The following CCT7 variants were observed in gnomAD, a reference collection of about 807,000 sequenced individuals.
The protein encoded by CCT7 is T-complex protein 1 subunit eta.
In CCT7, 16 loss-of-function variants were observed where a neutral mutation model predicts 56.6. The observed-to-expected ratio is 0.28, with a 90% confidence interval of 0.19 to 0.43. The LOEUF is 0.43. Ranked by LOEUF, CCT7 falls within the 20% of genes least tolerant of loss-of-function variation. CCT7 has a pLI of 1.00. For synonymous variants in CCT7, 262 were observed against 254.8 expected, an observed-to-expected ratio of 1.03 and a Z score of -0.27; for missense variants, 519 against 685.6, an observed-to-expected ratio of 0.76 and a Z score of 2.71.
chr2:73,250,363 C>T lies in CCT7; in HGVS notation c.1128C>T (p.Gly376=), dbSNP rs370527926. 2.5e-5 allele frequency: 40 copies of T among 1,614,020 alleles called. No homozygotes were observed. The highest frequency in any genetic ancestry group is 2.0e-4 in the South Asian group (18 of 91,080). ...AGACATGCACCTTCATTCTCCGTGG[C>T]GGCGCCGAGCAGTTTATGGAGGAGA... The part of the protein sequence containing the change: ...KAKTCTFILR[G]GAEQFMEETE... Residue 376 remains glycine, a synonymous_variant, in exon 10 of 12, where the codon GGC becomes GGT. Coordinates refer to ENST00000258091, the MANE Select transcript of CCT7 (RefSeq NM_006429.4).
intron 4 of CCT7, 88 bp downstream of exon 4, chr2:73,243,217 G>A (rs897864560): frequency 2.0e-6 from 3 of 1,475,644 alleles, no homozygotes; most frequent in African/African-American, 1.4e-5. Flanking sequence ...GAGTGTGGAG[G>A]GACTGGGGAA....
chr2:73,234,495 C>G, intron 1 of CCT7, 111 bp downstream of exon 1: 1 of 1,286,328 alleles, frequency 7.8e-7, no homozygotes, highest in Non-Finnish European at 1.1e-6. Context: ...CGCCTCTGTC[C>G]TCGCCCAGAT....
At chr2:73,250,216 C>T (rs2103806964) in intron 9 of CCT7, 90 bp from the exon 10 acceptor site, 1 of 1,486,542 alleles carries the variant, frequency 6.7e-7, no homozygotes, top group Non-Finnish European at 9.3e-7. Context: ...AGAGCAGCTG[C>T]TGAGTGTTGG....
At chr2:73,235,318 T>G (rs1386643717) in intron 1 of CCT7, among the ~76,000 whole-genome samples, 1 of 152,176 alleles carries the variant, frequency 6.6e-6, no homozygotes, top group Non-Finnish European at 1.5e-5. Flanking sequence ...CGAGGTGGTG[T>G]TTGACCCTGA....
intron 1 of CCT7, 36 bp downstream of exon 1, chr2:73,234,420 G>T: frequency 3.1e-6 from 5 of 1,612,012 alleles, no homozygotes; most frequent in Non-Finnish European, 3.4e-6. Flanking sequence ...GCCATCAGCT[G>T]CCATCTGGCC....
intron 1 of CCT7, among the ~76,000 whole-genome samples, chr2:73,236,110 T>C (rs1686870935): frequency 6.6e-6 from 1 of 152,254 alleles, no homozygotes; most frequent in East Asian, 1.9e-4. Flanking sequence ...AAAGGTCCCC[T>C]GAAACCTCAG....
chr2:73,245,272 A>G (rs1339418778), intron 6 of CCT7, among the ~76,000 whole-genome samples: 2 of 152,238 alleles, frequency 1.3e-5, no homozygotes, highest in Non-Finnish European at 2.9e-5. Context: ...TAAAGACAAA[A>G]GATTGCTTAT....
At chr2:73,234,424 T>G in intron 1 of CCT7, 40 bp downstream of exon 1, 2 of 1,611,610 alleles carry the variant, frequency 1.2e-6, no homozygotes, top group Non-Finnish European at 8.5e-7. Context: ...TCAGCTGCCA[T>G]CTGGCCGGTG....
At chr2:73,240,353 C>G in intron 2 of CCT7, 84 bp from the exon 3 acceptor site, 1 of 878,084 alleles carries the variant, frequency 1.1e-6, no homozygotes, top group Non-Finnish European at 1.8e-6. Flanking sequence ...TGCCCCATCC[C>G]AGTAAAGTGT....
chr2:73,249,491 A>G (rs528914525), intron 8 of CCT7, among the ~76,000 whole-genome samples: 41 of 152,232 alleles, frequency 2.7e-4, no homozygotes, highest in Middle Eastern at 3.4e-3. Flanking sequence ...TGAGCATCCC[A>G]CAAAAGATAC....
chr2:73,241,653 C>T (rs1687119718), intron 3 of CCT7, among the ~76,000 whole-genome samples: 2 of 151,978 alleles, frequency 1.3e-5, no homozygotes, highest in African/African-American at 2.4e-5. Flanking sequence ...TCTTTTTCAC[C>T]CTCATTAAAT....
intron 2 of CCT7, 164 bp downstream of exon 2, chr2:73,239,960 G>T: frequency 3.1e-6 from 2 of 641,662 alleles, no homozygotes; most frequent in East Asian, 2.8e-5. Flanking sequence ...TGACTGCTGA[G>T]CCCGTGTGGG....
intron 6 of CCT7, among the ~76,000 whole-genome samples, chr2:73,245,958 G>C (rs1010816878): frequency 3.3e-5 from 5 of 152,020 alleles, no homozygotes; most frequent in Non-Finnish European, 5.9e-5. Flanking sequence ...TCCATAAATG[G>C]TTGAGATTAG....
intron 3 of CCT7, among the ~76,000 whole-genome samples, chr2:73,242,428 C>T (rs371866425): frequency 3.9e-5 from 6 of 152,138 alleles, no homozygotes; most frequent in African/African-American, 1.2e-4. Flanking sequence ...TACAGGCGCC[C>T]GCCATCACGC....
Position 73,251,312 on chromosome 2 carries a change from A to G in CCT7, c.1290A>G (p.Lys430=), listed in dbSNP as rs1316263515. The change falls in exon 11 of 12, where the codon AAA becomes AAG. Residue 430 remains lysine (K), a synonymous_variant. Coordinates refer to ENST00000258091, the MANE Select transcript of CCT7 (RefSeq NM_006429.4). ...LRDYSRTIPG[K]QQLLIGAYAK... ...ATTACTCAAGGACTATTCCAGGAAA[A>G]CAGCAGCTGTTGATTGGGGCATATG... The G allele has an allele frequency of 6.2e-7, 1 of 1,614,190 alleles. No homozygotes were observed. Among genetic ancestry groups the G allele is most frequent in the South Asian group, 1.1e-5 (1 of 91,086 alleles).
In CCT7 at chr2:73,243,073, G is replaced by A; in HGVS notation, c.337G>A (p.Glu113Lys). The change falls in exon 4 of 12, where the codon GAG (glutamate) becomes AAG (lysine). Residue 113 changes from glutamate to lysine, a missense_variant. Glu to Lys is a moderately conservative substitution (Grantham distance 56, BLOSUM62 1). This residue lies in a region of CCT7 where 276 missense variants were observed against 357.3 expected (regional missense o/e 0.77). Coordinates refer to ENST00000258091, the MANE Select transcript of CCT7 (RefSeq NM_006429.4). ...EFLKQVKPYV[E>K]EGLHPQIIIR... The stretch of plus-strand genomic sequence containing the variant: ...TCTGAAGCAGGTGAAACCCTATGTG[G>A]AGGAAGGTTTACACCCCCAGATCAT... 6.2e-7 allele frequency: 1 copy of A among 1,614,014 alleles called. No individual in the cohort carries two copies. Among genetic ancestry groups the A allele is most frequent in the Non-Finnish European group, 8.5e-7 (1 of 1,179,878 alleles).
At chr2:73,234,787 A>C (rs1441942088) in intron 1 of CCT7, among the ~76,000 whole-genome samples, 3 of 152,150 alleles carry the variant, frequency 2.0e-5, no homozygotes, top group Non-Finnish European at 2.9e-5. Flanking sequence ...GCGGGCTGTA[A>C]AGACGTGTGC....
intron 4 of CCT7, 174 bp downstream of exon 4, chr2:73,243,303 T>G (rs1687194725): frequency 1.5e-6 from 1 of 669,754 alleles, no homozygotes; most frequent in Non-Finnish European, 2.5e-6. Flanking sequence ...TGATGAGGTG[T>G]ATTACTTAAT....
chr2:73,240,595 C>A, intron 3 of CCT7, 52 bp downstream of exon 3: 1 of 1,032,424 alleles, frequency 9.7e-7, no homozygotes. Flanking sequence ...TGCTTGCTTG[C>A]TCCTTAGTTC....
Sources: allele counts gnomAD v4.1 joint callset (sites outside exome capture counted in the v4.1 genomes callset), GRCh38; gene constraint gnomAD v4.1.1; regional missense constraint gnomAD v4.1.1; transcripts MANE v1.5; gene names NCBI Gene and HGNC (gene_info 2026-07-23, HGNC 2026-07-21).